BLTP1: variants seen among roughly 807,000 people sequenced by gnomAD.
BLTP1 encodes the protein fragile site-associated protein.
the BLTP1 span, among the ~76,000 whole-genome samples, chr4:122,297,703 T>TAC: frequency 6.6e-5 from 10 of 152,346 alleles, no homozygotes; most frequent in African/African-American, 2.4e-4. Context: ...GTGGTATATA[T>TAC]ACACCATGGA....
the BLTP1 span, chr4:122,162,735 C>CA: frequency 0.086 from 61,413 of 712,516 alleles, 1,895 homozygotes; most frequent in African/African-American, 0.25. Context: ...ACAACAACAA[C>CA]AAAAAAAAAA....
chr4:122,235,834 C>T, the BLTP1 span, among the ~76,000 whole-genome samples: 1 of 152,012 alleles, frequency 6.6e-6, no homozygotes, highest in Non-Finnish European at 1.5e-5. Context: ...GAATCTTTAG[C>T]GTAACTCTGC....
chr4:122,202,406 A>G, the BLTP1 span: 3,685 of 157,476 alleles, frequency 0.023, 148 homozygotes, highest in African/African-American at 0.084. Flanking sequence ...AGGGATCAAT[A>G]TTATTATTAT....
At chr4:122,343,331 G>A in the BLTP1 span, 8 of 1,563,974 alleles carry the variant, frequency 5.1e-6, no homozygotes, top group East Asian at 4.5e-5. Flanking sequence ...CTGAAGTCAT[G>A]TCTGGTTCTT....
chr4:122,227,231 C>T, the BLTP1 span: 4 of 990,114 alleles, frequency 4.0e-6, no homozygotes, highest in African/African-American at 3.5e-5. Flanking sequence ...CCGTTTCTCC[C>T]ATAATGTAAT....
chr4:122,173,041 A>G, the BLTP1 span: 1 of 1,613,192 alleles, frequency 6.2e-7, no homozygotes, highest in Non-Finnish European at 8.5e-7. Flanking sequence ...AACAGCTACC[A>G]TTTTGTCCTG....
the BLTP1 span, chr4:122,331,064 A>G: frequency 5.2e-6 from 5 of 966,824 alleles, no homozygotes; most frequent in East Asian, 1.1e-4. Context: ...CATACACAGT[A>G]TATTTTATAT....
the BLTP1 span, chr4:122,224,512 G>A: frequency 6.2e-7 from 1 of 1,612,602 alleles, no homozygotes; most frequent in Non-Finnish European, 8.5e-7. Flanking sequence ...GACCCCCTGT[G>A]GATGAAGTAC....
chr4:122,175,215 T>C, the BLTP1 span: 1 of 984,668 alleles, frequency 1.0e-6, no homozygotes, highest in East Asian at 1.1e-4. Flanking sequence ...AATTGAGAGG[T>C]GCTAGAGTTT....
At chr4:122,264,492 C>T in the BLTP1 span, 1 of 1,404,822 alleles carries the variant, frequency 7.1e-7, no homozygotes, top group Non-Finnish European at 9.4e-7. Flanking sequence ...GCAACTGGAA[C>T]CTCCAATAGT....
At chr4:122,348,611 G>A in the BLTP1 span, 1 of 1,609,192 alleles carries the variant, frequency 6.2e-7, no homozygotes, top group Non-Finnish European at 8.5e-7. Flanking sequence ...ATCAAACAAA[G>A]CAGCAAGCCA....
chr4:122,301,305 G>T, the BLTP1 span: 1 of 1,590,084 alleles, frequency 6.3e-7, no homozygotes, highest in Non-Finnish European at 8.6e-7. Flanking sequence ...TTTAGGTGGG[G>T]AGCAGCCTAT....
At chr4:122,326,363 C>G in the BLTP1 span, among the ~76,000 whole-genome samples, 1 of 151,580 alleles carries the variant, frequency 6.6e-6, no homozygotes, top group Non-Finnish European at 1.5e-5. Context: ...TTAAATTATT[C>G]TCTTGTTCAA....
At chr4:122,360,011 C>T in the BLTP1 span, 2 of 985,340 alleles carry the variant, frequency 2.0e-6, no homozygotes, top group Non-Finnish European at 2.4e-6. Flanking sequence ...ACTAGTTTTT[C>T]ACCTTCTCAC....
the BLTP1 span, among the ~76,000 whole-genome samples, chr4:122,204,186 TTATG>T: frequency 6.6e-6 from 1 of 151,842 alleles, no homozygotes; most frequent in Non-Finnish European, 1.5e-5. Flanking sequence ...ATACCAGACA[TTATG>T]TATATTGAGT....
At chr4:122,324,658 A>C in the BLTP1 span, 1 of 728,568 alleles carries the variant, frequency 1.4e-6, no homozygotes, top group Admixed American at 3.1e-5. Context: ...TATTAGTAAA[A>C]TAGCAATAAC....
chr4:122,189,448 G>A, the BLTP1 span: 1 of 977,708 alleles, frequency 1.0e-6, no homozygotes, highest in East Asian at 1.1e-4. Flanking sequence ...ATTTCAAGTT[G>A]ATTAAATATT....
chr4:122,228,712 G>A, the BLTP1 span, among the ~76,000 whole-genome samples: 2 of 152,168 alleles, frequency 1.3e-5, no homozygotes, highest in African/African-American at 2.4e-5. Context: ...GTGTGTGTGT[G>A]TGTGTGAAAA....
the BLTP1 span, chr4:122,185,552 C>A: frequency 2.0e-6 from 1 of 502,014 alleles, no homozygotes; most frequent in Non-Finnish European, 2.6e-6. Context: ...GTCCACAGTT[C>A]ATAAAACCTA....
Sources: gnomAD v4.1 joint callset for allele counts (sites outside exome capture counted in the v4.1 genomes callset) on GRCh38, gnomAD v4.1.1 for gene constraint, MANE v1.5 for transcripts, NCBI Gene and HGNC (gene_info 2026-07-23, HGNC 2026-07-21) for gene names.